The following PIK3R3 variants were observed in gnomAD, a reference collection of about 807,000 sequenced individuals.
The protein encoded by PIK3R3 is phosphatidylinositol 3-kinase regulatory subunit gamma.
A neutral mutation model predicts 62.9 loss-of-function variants in PIK3R3; 64 were observed. The observed-to-expected ratio is 1.02, with a 90% CI of 0.83 to 1.25. The LOEUF is 1.25. Ranked by LOEUF, PIK3R3 falls within the 50% of genes most tolerant of loss-of-function variation. The pLI is 0.00. For synonymous variants in PIK3R3, 165 were observed against 189.0 expected (o/e 0.87, Z 1.04); for missense variants, 614 against 561.6 (o/e 1.09, Z -0.94).
intron 1 of PIK3R3, among the ~76,000 whole-genome samples, chr1:46,125,300 C>T (rs1001366058): frequency 6.6e-5 from 10 of 151,932 alleles, no homozygotes; most frequent in Non-Finnish European, 1.2e-4. Context: ...ACTGGCATGG[C>T]TTTTACATCA....
intron 6 of PIK3R3, among the ~76,000 whole-genome samples, chr1:46,059,077 C>T (rs188252591): frequency 3.9e-5 from 6 of 152,304 alleles, no homozygotes; most frequent in South Asian, 2.1e-4. Flanking sequence ...GTAAGTTTCA[C>T]GAGATCTGAT....
At chr1:46,091,036 C>T (rs950363405) in intron 1 of PIK3R3, among the ~76,000 whole-genome samples, 2 of 151,766 alleles carry the variant, frequency 1.3e-5, no homozygotes. Context: ...CACTATGTTG[C>T]CCAGGCTGGT....
rs1031459951 is a variant in PIK3R3, at chr1:46,045,866, T to C, written c.1187+52A>G. 7.4e-6 allele frequency: 11 copies of C among 1,484,398 alleles called. No homozygotes were observed. In the African/African-American group the frequency reaches 1.4e-4, roughly 19 times the overall value. 92.0% of individuals were successfully genotyped at this position (1,484,398 alleles called of 1,614,324 possible). On this transcript the variant is annotated intron_variant, in intron 9 of 9. Transcript: ENST00000262741. The stretch of plus-strand genomic sequence containing the variant: ...TGAATTTTATGAGGGGTTGATTTTA[T>C]AATAATTGATGCAAAAGATTTCAAA...
At chr1:46,124,796 CAAA>C (rs55985922) in intron 1 of PIK3R3, among the ~76,000 whole-genome samples, 179 of 108,344 alleles carry the variant, frequency 1.7e-3, no homozygotes, top group Middle Eastern at 5.4e-3. Flanking sequence ...AACTCTTTTT[CAAA>C]AAAAAAAAAA....
chr1:46,154,918 C>G, the PIK3R3 span, among the ~76,000 whole-genome samples: 2 of 152,216 alleles, frequency 1.3e-5, no homozygotes, highest in African/African-American at 4.8e-5. Context: ...GCCAAAGAAG[C>G]CCTCTCCATA....
At chr1:46,125,363 C>T (rs1386799012) in intron 1 of PIK3R3, among the ~76,000 whole-genome samples, 1 of 151,928 alleles carries the variant, frequency 6.6e-6, no homozygotes, top group East Asian at 1.9e-4. Context: ...AAACTGACAA[C>T]TAGATCATAA....
At chr1:46,165,995 C>G in the PIK3R3 span, among the ~76,000 whole-genome samples, 5,634 of 150,362 alleles carry the variant, frequency 0.037, 344 homozygotes, top group African/African-American at 0.13. Flanking sequence ...AGGATGGTCT[C>G]GATCTCCTGA....
At chr1:46,046,505 T>C (rs1647120215) in intron 8 of PIK3R3, 46 bp downstream of exon 8, 1 of 1,244,180 alleles carries the variant, frequency 8.0e-7, no homozygotes, top group Non-Finnish European at 1.2e-6. Flanking sequence ...GCATGTCTTA[T>C]ATTGATAACA....
upstream of PIK3R3, among the ~76,000 whole-genome samples, chr1:46,133,614 G>T (rs1047467236): frequency 4.6e-5 from 7 of 152,138 alleles, no homozygotes; most frequent in African/African-American, 1.7e-4. Flanking sequence ...TGTGCCCGTG[G>T]CCCCTGCAAC....
At chr1:46,148,774 GAGAC>G in the PIK3R3 span, among the ~76,000 whole-genome samples, 1 of 145,306 alleles carries the variant, frequency 6.9e-6, no homozygotes, top group Non-Finnish European at 1.5e-5. Context: ...GAGAGAGAGA[GAGAC>G]ATGAAGAGAG....
At chr1:46,168,017 G>A in the PIK3R3 span, among the ~76,000 whole-genome samples, 3 of 152,104 alleles carry the variant, frequency 2.0e-5, no homozygotes, top group Admixed American at 2.0e-4. Context: ...TTAGCTGTGT[G>A]TGGTGGCGCA....
At chr1:46,058,550 C>A (rs1237633371) in intron 6 of PIK3R3, among the ~76,000 whole-genome samples, 1 of 152,230 alleles carries the variant, frequency 6.6e-6, no homozygotes, top group African/African-American at 2.4e-5. Context: ...ACCATGGGAA[C>A]CCATCTCTTG....
chr1:46,139,700 C>T, the PIK3R3 span, among the ~76,000 whole-genome samples: 1 of 152,106 alleles, frequency 6.6e-6, no homozygotes, highest in East Asian at 1.9e-4. Flanking sequence ...TCTTCAACAG[C>T]CTTACACTCT....
chr1:46,057,031 T>TG (rs1196745838), intron 6 of PIK3R3: 5 of 152,348 alleles, frequency 3.3e-5, no homozygotes, highest in Non-Finnish European at 5.9e-5. Context: ...AATCTCATCT[T>TG]GAATTGTACT....
At chr1:46,166,838 C>T in the PIK3R3 span, among the ~76,000 whole-genome samples, 1 of 152,208 alleles carries the variant, frequency 6.6e-6, no homozygotes, top group African/African-American at 2.4e-5. Context: ...CCACCCCACG[C>T]CCCCAACCTT....
intron 1 of PIK3R3, among the ~76,000 whole-genome samples, chr1:46,089,953 A>G (rs1651457527): frequency 6.6e-6 from 1 of 152,160 alleles, no homozygotes; most frequent in Non-Finnish European, 1.5e-5. Context: ...TAGCAGTATT[A>G]CCGTATTACA....
At position 46,040,475 on chromosome 1, in the gene PIK3R3, G is replaced by A. The variant is rs1234686070; in HGVS notation, c.*3198C>T. 4.3e-6 allele frequency: 1 copy of A among 229,948 alleles called. No homozygotes were observed. Among genetic ancestry groups the A allele is most frequent in the Admixed American group, 5.7e-5 (1 of 17,672 alleles). The allele number at this position is 229,948 out of a possible 1,614,324, so 14.2% of individuals were successfully genotyped here. A position where few individuals can be genotyped will look rare whatever the true frequency, so the allele number is the denominator to read the frequency against. ...AGTAACGGCACCAAAGTCACATGCT[G>A]GAATTTGTAAGGAAACGAGGTTGTT... On this transcript the variant is annotated 3_prime_UTR_variant, in exon 10 of 10. Coordinates refer to ENST00000262741, the MANE Select transcript of PIK3R3 (RefSeq NM_003629.4).
chr1:46,102,463 G>C (rs1652786904), intron 1 of PIK3R3, among the ~76,000 whole-genome samples: 1 of 152,034 alleles, frequency 6.6e-6, no homozygotes. Context: ...TTTTTATACA[G>C]TATTTATCTT....
the PIK3R3 span, among the ~76,000 whole-genome samples, chr1:46,158,444 G>A: frequency 6.6e-6 from 1 of 152,118 alleles, no homozygotes; most frequent in Non-Finnish European, 1.5e-5. Flanking sequence ...ACCCTCAGAG[G>A]TCAGTCCAAG....
Sources: allele counts gnomAD v4.1 joint callset (sites outside exome capture counted in the v4.1 genomes callset), GRCh38; gene constraint gnomAD v4.1.1; transcripts MANE v1.5; gene names NCBI Gene and HGNC (gene_info 2026-07-23, HGNC 2026-07-21).